The following SAMD5 variants were observed in gnomAD, a reference collection of about 807,000 sequenced individuals.
SAMD5 encodes the protein sterile alpha motif domain-containing protein 5.
A neutral mutation model predicts 11.3 loss-of-function variants in SAMD5; 13 were observed. That is an observed-to-expected ratio of 1.15 (90% confidence interval 0.75 to 1.83). SAMD5 has a LOEUF of 1.83. Among genes scored for constraint, SAMD5 ranks in the 40% most tolerant of loss-of-function variants. SAMD5 has a pLI of 0.00. For synonymous variants in SAMD5, 129 were observed against 111.3 expected, an observed-to-expected ratio of 1.16 and a Z score of -1.00; for missense variants, 255 against 239.1, an observed-to-expected ratio of 1.07 and a Z score of -0.44.
At chr6:147,703,085 T>G (rs7767499) in intron 1 of SAMD5, among the ~76,000 whole-genome samples, 27,076 of 152,074 alleles carry the variant, frequency 0.18, 4,631 homozygotes, top group African/African-American at 0.45. Flanking sequence ...TTTTGTTTTT[T>G]GAGAAGGAGT....
the SAMD5 span, among the ~76,000 whole-genome samples, chr6:147,769,727 C>T: frequency 1.3e-5 from 2 of 152,212 alleles, no homozygotes. Flanking sequence ...ATTTGCAATG[C>T]TTAACCCTGT....
At chr6:147,529,426 G>A (rs146324601) in intron 1 of SAMD5, among the ~76,000 whole-genome samples, 415 of 152,178 alleles carry the variant, frequency 2.7e-3, no homozygotes, top group African/African-American at 9.5e-3. Flanking sequence ...TGTAATTTAG[G>A]TGTATTTATC....
intron 1 of SAMD5, among the ~76,000 whole-genome samples, chr6:147,734,711 TAAAAAAAAAAAAA>T (rs61482319): frequency 0.029 from 747 of 26,134 alleles, 38 homozygotes; most frequent in African/African-American, 0.063. Flanking sequence ...AGACTCCATC[TAAAAAAAAAAAAA>T]AAAAAAAAAA....
chr6:147,803,543 T>C, the SAMD5 span, among the ~76,000 whole-genome samples: 3 of 152,204 alleles, frequency 2.0e-5, no homozygotes, highest in African/African-American at 7.2e-5. Context: ...CCATGTCTTA[T>C]AGCATATAAT....
At chr6:147,875,001 C>T in the SAMD5 span, among the ~76,000 whole-genome samples, 25,552 of 151,922 alleles carry the variant, frequency 0.17, 3,335 homozygotes, top group African/African-American at 0.37. Context: ...TGCCTATTTC[C>T]GCATGTTACT....
intron 1 of SAMD5, among the ~76,000 whole-genome samples, chr6:147,727,245 T>C (rs1791641815): frequency 6.6e-6 from 1 of 152,212 alleles, no homozygotes; most frequent in Admixed American, 6.5e-5. Context: ...CTGTCCAGAA[T>C]GCCTTTGCTG....
intron 1 of SAMD5, among the ~76,000 whole-genome samples, chr6:147,667,229 T>C (rs547992071): frequency 6.6e-6 from 1 of 152,214 alleles, no homozygotes; most frequent in South Asian, 2.1e-4. Context: ...GTTTATTATT[T>C]GGAATTTTGC....
the SAMD5 span, among the ~76,000 whole-genome samples, chr6:147,764,642 G>T: frequency 1.2e-4 from 19 of 152,092 alleles, no homozygotes; most frequent in Admixed American, 1.2e-3. Flanking sequence ...CCAAAGAGAT[G>T]ACCTAAATGT....
At chr6:147,822,686 T>G in the SAMD5 span, among the ~76,000 whole-genome samples, 3 of 152,166 alleles carry the variant, frequency 2.0e-5, no homozygotes, top group Non-Finnish European at 1.5e-5. Flanking sequence ...CCTATAGGAT[T>G]TGCAAAACCA....
the SAMD5 span, among the ~76,000 whole-genome samples, chr6:147,909,618 T>TTCTCTCTCTCTCTC: frequency 0.059 from 4,501 of 76,412 alleles, 327 homozygotes; most frequent in Admixed American, 0.073. Flanking sequence ...CTTTCTTTCT[T>TTCTCTCTCTCTCTC]TCTTTCTTTC....
At chr6:147,838,536 C>CG in the SAMD5 span, among the ~76,000 whole-genome samples, 2 of 143,822 alleles carry the variant, frequency 1.4e-5, no homozygotes, top group African/African-American at 5.2e-5. Context: ...ATCCTGCCCC[C>CG]CCCCCGTAGT....
intron 1 of SAMD5, among the ~76,000 whole-genome samples, chr6:147,668,402 A>C (rs1243711878): frequency 1.3e-5 from 2 of 152,184 alleles, no homozygotes; most frequent in African/African-American, 2.4e-5. Context: ...ATTGACAAGT[A>C]ATTTTCAGGG....
At chr6:147,721,416 T>C (rs892553508) in intron 1 of SAMD5, among the ~76,000 whole-genome samples, 13 of 152,280 alleles carry the variant, frequency 8.5e-5, no homozygotes, top group Non-Finnish European at 1.2e-4. Flanking sequence ...TGGTATCTCA[T>C]TGTGGTTTTA....
At chr6:147,803,107 A>G in the SAMD5 span, among the ~76,000 whole-genome samples, 1 of 150,946 alleles carries the variant, frequency 6.6e-6, no homozygotes, top group Admixed American at 6.6e-5. Context: ...TCTATATAAC[A>G]TATAAGACTT....
intron 1 of SAMD5, among the ~76,000 whole-genome samples, chr6:147,661,660 CT>C (rs1383256581): frequency 1.3e-5 from 2 of 152,188 alleles, no homozygotes; most frequent in Non-Finnish European, 2.9e-5. Context: ...GATGGAGTCT[CT>C]CACTGTTGCC....
chr6:147,951,729 G>A, the SAMD5 span, among the ~76,000 whole-genome samples: 1 of 152,196 alleles, frequency 6.6e-6, no homozygotes, highest in South Asian at 2.1e-4. Flanking sequence ...GAATTTGATT[G>A]ATTGGCCAAA....
At chr6:147,631,705 G>C (rs759934943) in intron 1 of SAMD5, among the ~76,000 whole-genome samples, 32 of 152,134 alleles carry the variant, frequency 2.1e-4, no homozygotes, top group African/African-American at 2.2e-4. Context: ...CAGACCAAGA[G>C]GTATTTTAGT....
the SAMD5 span, among the ~76,000 whole-genome samples, chr6:147,830,266 T>C: frequency 7.0e-6 from 1 of 142,374 alleles, no homozygotes; most frequent in African/African-American, 2.6e-5. Context: ...TTTTTTTTTT[T>C]TTTTTTTTTT....
At chr6:147,927,646 G>C in the SAMD5 span, among the ~76,000 whole-genome samples, 1 of 152,008 alleles carries the variant, frequency 6.6e-6, no homozygotes, top group Non-Finnish European at 1.5e-5. Context: ...TTCCTACTTG[G>C]ATGCCTGTAT....
Sources: gnomAD v4.1 joint callset for allele counts (sites outside exome capture counted in the v4.1 genomes callset) on GRCh38, gnomAD v4.1.1 for gene constraint, MANE v1.5 for transcripts, NCBI Gene and HGNC (gene_info 2026-07-23, HGNC 2026-07-21) for gene names.